The following BRINP3 variants were observed in gnomAD, a reference collection of about 807,000 sequenced individuals.
BRINP3 encodes BMP/retinoic acid-inducible neural-specific protein 3.
In BRINP3, 19 loss-of-function variants were observed where a neutral mutation model predicts 71.0. The ratio of observed to expected loss-of-function variants is 0.27; its 90% confidence interval spans 0.19 to 0.39. BRINP3 has a LOEUF of 0.39. Among genes scored for constraint, BRINP3 ranks in the 10% least tolerant of loss-of-function variants. The probability of loss-of-function intolerance (pLI) is 1.00; values close to 1 mark genes in which losing one functional copy is unlikely to be tolerated. For synonymous variants in BRINP3, 380 were observed against 337.7 expected, an observed-to-expected ratio of 1.13 and a Z score of -1.37; for missense variants, 959 against 940.8, an observed-to-expected ratio of 1.02 and a Z score of -0.25.
At chr1:190,370,198 A>C (rs1669770374) in intron 2 of BRINP3, among the ~76,000 whole-genome samples, 1 of 152,218 alleles carries the variant, frequency 6.6e-6, no homozygotes, top group South Asian at 2.1e-4. Flanking sequence ...CAATTTTGTA[A>C]GCTGGTTCTT....
intron 7 of BRINP3, among the ~76,000 whole-genome samples, chr1:190,107,863 AT>A (rs34158005): frequency 0.12 from 17,668 of 151,766 alleles, 2,216 homozygotes; most frequent in African/African-American, 0.28. Flanking sequence ...ATGGCACTGA[AT>A]TTTTTTTAAT....
At chr1:190,228,791 CT>C (rs58377424) in intron 5 of BRINP3, among the ~76,000 whole-genome samples, 89,343 of 150,852 alleles carry the variant, frequency 0.59, 26,701 homozygotes, top group Admixed American at 0.69. Context: ...ACGGAATTTT[CT>C]TTTTTTTTCT....
At chr1:190,449,304 T>C (rs1247910945) in intron 2 of BRINP3, among the ~76,000 whole-genome samples, 1 of 151,982 alleles carries the variant, frequency 6.6e-6, no homozygotes, top group Non-Finnish European at 1.5e-5. Flanking sequence ...TGGTCTTCTG[T>C]TTCTAGAGAT....
intron 6 of BRINP3, among the ~76,000 whole-genome samples, chr1:190,200,961 T>C (rs1034642442): frequency 3.9e-5 from 6 of 151,958 alleles, no homozygotes; most frequent in African/African-American, 1.2e-4. Context: ...GAAAACGGAG[T>C]AAAACAGTAA....
intron 2 of BRINP3, among the ~76,000 whole-genome samples, chr1:190,432,801 TTAA>T (rs1674188960): frequency 4.6e-5 from 7 of 152,198 alleles, no homozygotes; most frequent in Non-Finnish European, 1.0e-4. Flanking sequence ...CAGTTTAGGA[TTAA>T]CCATCCAGAA....
chr1:190,185,905 A>C (rs1653473134), intron 6 of BRINP3, among the ~76,000 whole-genome samples: 1 of 152,124 alleles, frequency 6.6e-6, no homozygotes, highest in Non-Finnish European at 1.5e-5. Flanking sequence ...TAGCTATTTG[A>C]AACTATATAT....
intron 1 of BRINP3, 64 bp downstream of exon 1, chr1:190,477,384 A>G (rs1173185671): frequency 6.6e-6 from 1 of 152,218 alleles, no homozygotes; most frequent in East Asian, 1.9e-4. Context: ...TACTTCAACA[A>G]AACAGAGCTT....
intron 6 of BRINP3, among the ~76,000 whole-genome samples, chr1:190,222,746 A>T (rs1451768086): frequency 6.6e-6 from 1 of 151,854 alleles, no homozygotes; most frequent in Non-Finnish European, 1.5e-5. Flanking sequence ...TGATAGAAAA[A>T]GTTGGGTTTT....
chr1:190,166,847 C>A (rs1298850016), intron 6 of BRINP3, among the ~76,000 whole-genome samples: 1 of 152,042 alleles, frequency 6.6e-6, no homozygotes, highest in Non-Finnish European at 1.5e-5. Flanking sequence ...CCTCAGCCTC[C>A]CAAGTAGCTG....
Position 190,458,410 on chromosome 1 carries a change from T to C in BRINP3, c.-50-3470A>G, listed in dbSNP as rs546231128. ...GACAGGGAGAAAAGTCATAATAGAA[T>C]GCCTAAGGCAAGCATGTAAGCTTCT... On this transcript the variant is annotated intron_variant, in intron 1 of 7. Transcript: ENST00000367462. 6.4e-4 allele frequency among the ~76,000 whole-genome samples: 98 copies of C among 152,202 alleles called. 2 individuals carry two copies. In the South Asian group the frequency reaches 0.011, roughly 17 times the overall value.
At chr1:190,192,326 C>G (rs937063077) in intron 6 of BRINP3, among the ~76,000 whole-genome samples, 1 of 152,044 alleles carries the variant, frequency 6.6e-6, no homozygotes, top group Non-Finnish European at 1.5e-5. Context: ...CAATCTTGTA[C>G]TCTTTAAAAC....
intron 2 of BRINP3, among the ~76,000 whole-genome samples, chr1:190,316,055 C>T (rs1003599170): frequency 2.0e-5 from 3 of 148,294 alleles, no homozygotes; most frequent in African/African-American, 7.5e-5. Context: ...CAACTGGACA[C>T]CGGTGCAGCT....
intron 2 of BRINP3, among the ~76,000 whole-genome samples, chr1:190,353,098 T>C (rs1364305696): frequency 6.6e-6 from 1 of 151,946 alleles, no homozygotes; most frequent in African/African-American, 2.4e-5. Context: ...AAATGATATA[T>C]GCAGGCTCTC....
At chr1:190,187,891 G>GTT (rs56323142) in intron 6 of BRINP3, among the ~76,000 whole-genome samples, 94 of 150,148 alleles carry the variant, frequency 6.3e-4, no homozygotes, top group Non-Finnish European at 8.3e-4. Context: ...TCAAATTTCA[G>GTT]TTTTTTTTTC....
chr1:190,454,534 G>T, intron 2 of BRINP3, 121 bp downstream of exon 2: 1 of 700,800 alleles, frequency 1.4e-6, no homozygotes, highest in Non-Finnish European at 2.4e-6. Flanking sequence ...TATGGTGCAT[G>T]GTAAATAACA....
intron 7 of BRINP3, among the ~76,000 whole-genome samples, chr1:190,129,831 A>G (rs2102347002): frequency 6.6e-6 from 1 of 152,106 alleles, no homozygotes; most frequent in Admixed American, 6.6e-5. Flanking sequence ...GAGAATAATA[A>G]TCATGATAAA....
intron 2 of BRINP3, among the ~76,000 whole-genome samples, chr1:190,350,121 G>T (rs1668281345): frequency 6.6e-6 from 1 of 152,042 alleles, no homozygotes; most frequent in South Asian, 2.1e-4. Flanking sequence ...CCACGCCCTT[G>T]GTCAAAAGGA....
At chr1:190,317,722 TC>T (rs1665981184) in intron 2 of BRINP3, among the ~76,000 whole-genome samples, 1 of 152,072 alleles carries the variant, frequency 6.6e-6, no homozygotes, top group East Asian at 1.9e-4. Context: ...CCGTATTGTT[TC>T]CCCTGCTAGA....
At chr1:190,173,809 T>C (rs1407343122) in intron 6 of BRINP3, among the ~76,000 whole-genome samples, 1 of 152,160 alleles carries the variant, frequency 6.6e-6, no homozygotes, top group African/African-American at 2.4e-5. Flanking sequence ...CCCCAATTTT[T>C]TGTGAGATTA....
Sources: gnomAD v4.1 joint callset for allele counts (sites outside exome capture counted in the v4.1 genomes callset) on GRCh38, gnomAD v4.1.1 for gene constraint, MANE v1.5 for transcripts, NCBI Gene and HGNC (gene_info 2026-07-23, HGNC 2026-07-21) for gene names.